The following SORCS2 variants were observed in gnomAD, a reference collection of about 807,000 sequenced individuals.
SORCS2 encodes the protein sortilin related VPS10 domain containing receptor 2.
Under a neutral mutation model 141.6 loss-of-function variants are expected in SORCS2, and 100 were observed. The ratio of observed to expected loss-of-function variants is 0.71; its 90% confidence interval spans 0.60 to 0.83. The LOEUF (loss-of-function observed/expected upper bound fraction) is 0.83, where lower values mean the gene tolerates loss of function less well. Among genes scored for constraint, SORCS2 ranks in the 40% least tolerant of loss-of-function variants. The pLI, the probability that SORCS2 is intolerant of heterozygous loss-of-function variation, is 0.00. For missense variants in SORCS2, 1,646 were observed against 1,560.2 expected (o/e 1.05, Z -0.93); for synonymous variants, 789 against 676.9 (o/e 1.17, Z -2.57).
chr4:7,581,969 A>T (rs1716188904), intron 3 of SORCS2, among the ~76,000 whole-genome samples: 1 of 152,028 alleles, frequency 6.6e-6, no homozygotes, highest in Non-Finnish European at 1.5e-5. Context: ...TATACTCTGA[A>T]TTTTTATCAT....
intron 3 of SORCS2, among the ~76,000 whole-genome samples, chr4:7,580,317 A>G (rs1716057659): frequency 6.6e-6 from 1 of 152,118 alleles, no homozygotes; most frequent in Non-Finnish European, 1.5e-5. Flanking sequence ...CCCCATCTCT[A>G]CTAAAAAGAT....
intron 1 of SORCS2, among the ~76,000 whole-genome samples, chr4:7,330,576 C>T (rs1485208128): frequency 1.3e-5 from 2 of 151,732 alleles, no homozygotes; most frequent in Non-Finnish European, 2.9e-5. Context: ...GCTCCTTCTG[C>T]TTGGCATGGC....
At chr4:7,207,105 C>T (rs1461688649) in intron 1 of SORCS2, among the ~76,000 whole-genome samples, 1 of 152,234 alleles carries the variant, frequency 6.6e-6, no homozygotes, top group Non-Finnish European at 1.5e-5. Context: ...TGTGCTGAGC[C>T]TTCTCTCTGG....
At chr4:7,355,798 A>G (rs1272786687) in intron 1 of SORCS2, among the ~76,000 whole-genome samples, 1 of 152,248 alleles carries the variant, frequency 6.6e-6, no homozygotes, top group African/African-American at 2.4e-5. Context: ...CCTCTGTGGA[A>G]CGCACAGGAT....
intron 3 of SORCS2, among the ~76,000 whole-genome samples, chr4:7,582,298 G>A (rs1467756662): frequency 6.6e-6 from 1 of 152,192 alleles, no homozygotes; most frequent in Non-Finnish European, 1.5e-5. Context: ...GACGACAAAG[G>A]CCATGATCTC....
intron 1 of SORCS2, among the ~76,000 whole-genome samples, chr4:7,259,674 G>A (rs777477906): frequency 1.3e-5 from 2 of 152,224 alleles, no homozygotes; most frequent in African/African-American, 4.8e-5. Context: ...GGCTGTGCCC[G>A]AGGAGGAGGT....
At chr4:7,355,226 C>T (rs946936887) in intron 1 of SORCS2, among the ~76,000 whole-genome samples, 14 of 152,250 alleles carry the variant, frequency 9.2e-5, no homozygotes, top group Admixed American at 2.6e-4. Flanking sequence ...GTCCCCTTCA[C>T]TCTCCCTTCT....
intron 3 of SORCS2, among the ~76,000 whole-genome samples, chr4:7,613,131 C>G (rs550053980): frequency 1.3e-5 from 2 of 152,262 alleles, no homozygotes; most frequent in African/African-American, 4.8e-5. Context: ...AAGGAGGTGT[C>G]AGCCTTCCAG....
chr4:7,575,582 A>G (rs370062640), intron 3 of SORCS2, among the ~76,000 whole-genome samples: 4 of 152,252 alleles, frequency 2.6e-5, no homozygotes, highest in South Asian at 2.1e-4. Flanking sequence ...AAGTTTCGCA[A>G]TAACAGTGCC....
At chr4:7,656,286 G>A (rs1721769767) in intron 5 of SORCS2, among the ~76,000 whole-genome samples, 1 of 152,292 alleles carries the variant, frequency 6.6e-6, no homozygotes, top group Non-Finnish European at 1.5e-5. Context: ...TCCTGGGCAG[G>A]GCCGCGGGTA....
chr4:7,588,313 T>G (rs181343919), intron 3 of SORCS2, among the ~76,000 whole-genome samples: 285 of 152,328 alleles, frequency 1.9e-3, no homozygotes, highest in Admixed American at 5.8e-3. Context: ...GATGGAACTT[T>G]CATGCGGTTG....
intron 14 of SORCS2, among the ~76,000 whole-genome samples, chr4:7,707,210 G>C (rs1374184254): frequency 6.6e-6 from 1 of 152,188 alleles, no homozygotes; most frequent in Admixed American, 6.5e-5. Flanking sequence ...TGTGCCAGGT[G>C]CTGTTTGAGG....
At chr4:7,730,082 T>G (rs906182403) in intron 23 of SORCS2, among the ~76,000 whole-genome samples, 2 of 152,098 alleles carry the variant, frequency 1.3e-5, no homozygotes, top group Admixed American at 1.3e-4. Context: ...GGTGTGGGTT[T>G]CGGGGCCGAG....
intron 2 of SORCS2, among the ~76,000 whole-genome samples, chr4:7,479,873 G>A (rs987193909): frequency 6.6e-6 from 1 of 152,276 alleles, no homozygotes; most frequent in Non-Finnish European, 1.5e-5. Flanking sequence ...ACCCACGTGT[G>A]CTCTGTTAGG....
chr4:7,412,989 T>A (rs1455458403), intron 2 of SORCS2, among the ~76,000 whole-genome samples: 1 of 152,130 alleles, frequency 6.6e-6, no homozygotes, highest in Non-Finnish European at 1.5e-5. Context: ...CAGAATGGAA[T>A]CCACATCCAC....
intron 1 of SORCS2, among the ~76,000 whole-genome samples, chr4:7,261,126 A>C (rs1417277330): frequency 6.6e-6 from 1 of 152,206 alleles, no homozygotes; most frequent in African/African-American, 2.4e-5. Flanking sequence ...TGCTGGAACC[A>C]GCCTGGGAAT....
Position 7,494,278 on chromosome 4 carries a change from G to A in SORCS2, c.549-37252G>A, listed in dbSNP as rs546330830. Among the ~76,000 whole-genome samples the A allele has an allele frequency of 9.8e-5, 15 of 152,358 alleles. No homozygotes were observed. In the South Asian group the frequency reaches 2.5e-3, roughly 25 times the overall value. On this transcript the variant is annotated intron_variant, in intron 2 of 26. Coordinates refer to ENST00000507866, the MANE Select transcript of SORCS2 (RefSeq NM_020777.3). ...TGAGCCTGTAGTGACTGATCGAGCT[G>A]TTTCCCGGTGTTTTATATCGGTGTG...
intron 2 of SORCS2, among the ~76,000 whole-genome samples, chr4:7,456,357 C>T (rs1003399759): frequency 1.3e-5 from 2 of 152,222 alleles, no homozygotes; most frequent in African/African-American, 4.8e-5. Context: ...CATTTCCCTT[C>T]TGCTGAGGGA....
At chr4:7,381,982 G>A in intron 1 of SORCS2, 1 of 985,768 alleles carries the variant, frequency 1.0e-6, no homozygotes. Flanking sequence ...GTCTCCAGAG[G>A]AAACAGGCAG....
Sources: allele counts gnomAD v4.1 joint callset (sites outside exome capture counted in the v4.1 genomes callset), GRCh38; gene constraint gnomAD v4.1.1; transcripts MANE v1.5; gene names NCBI Gene and HGNC (gene_info 2026-07-23, HGNC 2026-07-21).